Variants in YARS1 observed in about 807,000 individuals in gnomAD.
YARS1 encodes tyrosyl-tRNA synthetase 1.
In YARS1, 36 loss-of-function variants were observed where a neutral mutation model predicts 62.2. The observed-to-expected ratio is 0.58, with a 90% CI of 0.44 to 0.76. YARS1 has a LOEUF of 0.76. YARS1 is among the 30% of genes least tolerant of loss of function. The probability of loss-of-function intolerance (pLI) is 0.00; values close to 1 mark genes in which losing one functional copy is unlikely to be tolerated. For synonymous variants in YARS1, 234 were observed against 244.9 expected, an observed-to-expected ratio of 0.96 and a Z score of 0.42; for missense variants, 524 against 639.8, an observed-to-expected ratio of 0.82 and a Z score of 1.95.
In YARS1 at chr1:32,775,764, AGCCCTT is replaced by A; in HGVS notation, c.*211_*216del. On this transcript the variant is annotated 3_prime_UTR_variant, in exon 13 of 13. Coordinates refer to ENST00000373477, the MANE Select transcript of YARS1 (RefSeq NM_003680.4). Reference sequence around the variant, plus strand: ...AGGGCTGGACTCCCTGCTGTGGCCCAGCCCTTGTTAGGGGTTGGTCTCTCACTGCAG... The same window carrying A: ...AGGGCTGGACTCCCTGCTGTGGCCCAGTTAGGGGTTGGTCTCTCACTGCAG... The A allele has an allele frequency of 1.7e-6, 1 of 597,802 alleles. No individual in the cohort carries two copies. Among genetic ancestry groups the A allele is most frequent in the South Asian group, 2.0e-5 (1 of 50,744 alleles). The allele number at this position is 597,802 out of a possible 1,614,324, so 37.0% of individuals were successfully genotyped here.
chr1:32,804,934 C>A (rs1189144897), intron 4 of YARS1, among the ~76,000 whole-genome samples: 1 of 152,128 alleles, frequency 6.6e-6, no homozygotes, highest in Non-Finnish European at 1.5e-5. Context: ...GCACTCCAGC[C>A]TGGGCAACAT....
Position 32,781,523 on chromosome 1 carries a change from A to C in YARS1, c.1043-378T>G, listed in dbSNP as rs1653056339. 4 of 214,592 alleles carry C rather than the reference A, an allele frequency of 1.9e-5. 1 individual carries two copies. The South Asian group carries it at 2.2e-4, about 12-fold the overall frequency. 13.3% of individuals were successfully genotyped at this position (214,592 alleles called of 1,614,324 possible). On this transcript the variant is annotated intron_variant, in intron 9 of 12. Transcript: ENST00000373477. ...TGCTTAAGCCCAGGACTTCAAGACC[A>C]GGCTGGGCAACAGAGCCAGACTCTG...
intron 5 of YARS1, among the ~76,000 whole-genome samples, chr1:32,791,983 G>A (rs1299604684): frequency 6.6e-6 from 1 of 152,052 alleles, no homozygotes; most frequent in Non-Finnish European, 1.5e-5. Flanking sequence ...ACTAAGCAGA[G>A]GAAACAGCTA....
intron 4 of YARS1, among the ~76,000 whole-genome samples, chr1:32,799,907 G>A (rs1653722625): frequency 1.3e-5 from 2 of 151,912 alleles, no homozygotes. Context: ...GGCCTCAAGC[G>A]ATCCTCCTGC....
At chr1:32,781,676 C>T (rs1428610715) in intron 9 of YARS1, 2 of 170,014 alleles carry the variant, frequency 1.2e-5, no homozygotes, top group Non-Finnish European at 2.5e-5. Flanking sequence ...AAGAGCCAGG[C>T]CCATGCACAT....
chr1:32,804,912 G>A (rs917702339), intron 4 of YARS1, among the ~76,000 whole-genome samples: 3 of 152,118 alleles, frequency 2.0e-5, no homozygotes, highest in Admixed American at 6.5e-5. Context: ...AGCGAGCTGA[G>A]ATCACGCCAC....
At chr1:32,804,731 C>A (rs953383164) in intron 4 of YARS1, among the ~76,000 whole-genome samples, 5 of 151,434 alleles carry the variant, frequency 3.3e-5, no homozygotes, top group Admixed American at 1.3e-4. Context: ...CGGGAAGATG[C>A]GCTCCTCACT....
At chr1:32,793,734 G>A (rs1653486814) in intron 5 of YARS1, among the ~76,000 whole-genome samples, 1 of 152,216 alleles carries the variant, frequency 6.6e-6, no homozygotes, top group Admixed American at 6.6e-5. Flanking sequence ...TATCTGTAAA[G>A]GAGAAACAAT....
intron 1 of YARS1, among the ~76,000 whole-genome samples, chr1:32,815,060 C>G (rs1322154847): frequency 6.6e-6 from 1 of 152,096 alleles, no homozygotes. Context: ...CCTTTAAAAC[C>G]TGAGTGAGGC....
intron 7 of YARS1, chr1:32,786,722 C>T: frequency 1.3e-6 from 1 of 742,238 alleles, no homozygotes; most frequent in Non-Finnish European, 2.2e-6. Context: ...AACACCTCTG[C>T]CCACTCCAGT....
intron 4 of YARS1, among the ~76,000 whole-genome samples, chr1:32,805,425 T>C (rs1352742881): frequency 1.3e-5 from 2 of 152,138 alleles, no homozygotes; most frequent in East Asian, 1.9e-4. Flanking sequence ...TAAGGTAACA[T>C]TGTGGCTGGT....
At chr1:32,816,025 C>T (rs1370916932) in intron 1 of YARS1, among the ~76,000 whole-genome samples, 1 of 147,278 alleles carries the variant, frequency 6.8e-6, no homozygotes, top group Non-Finnish European at 1.5e-5. Context: ...AGGAGAATGG[C>T]GTGAACCTGG....
chr1:32,789,475 A>T (rs36092637), intron 6 of YARS1, among the ~76,000 whole-genome samples: 8,939 of 152,202 alleles, frequency 0.059, 407 homozygotes, highest in African/African-American at 0.12. Context: ...GTTCATGGTC[A>T]TTTGAGTTCA....
At position 32,803,371 on chromosome 1, in the gene YARS1, A is replaced by G. The variant is rs560906738; in HGVS notation, c.510+3111T>C. ...GGTCTCGAACTCCTGGCCTCAAGTG[A>G]TTTGCTCACCTCGGCATCCCAAAGT... On this transcript the variant is annotated intron_variant, in intron 4 of 12. Transcript: ENST00000373477. 2.0e-5 allele frequency among the ~76,000 whole-genome samples: 3 copies of G among 149,034 alleles called. No homozygotes were observed. In the South Asian group the frequency reaches 6.3e-4, roughly 31 times the overall value.
Position 32,776,543 on chromosome 1 carries a change from GTAAGTTCA to G in YARS1, c.1477-460_1477-453del, listed in dbSNP as rs1413098654. Among the ~76,000 whole-genome samples, 2 of 152,214 alleles carry G rather than the reference GTAAGTTCA, an allele frequency of 1.3e-5. No homozygotes were observed. Among genetic ancestry groups the G allele is most frequent in the Non-Finnish European group, 2.9e-5 (2 of 68,038 alleles). On this transcript the variant is annotated intron_variant, in intron 12 of 12. Coordinates refer to ENST00000373477, the MANE Select transcript of YARS1 (RefSeq NM_003680.4). The surrounding 1 kb of genome is among the most constrained non-coding windows in gnomAD (Gnocchi z 4.0). ...CTTTCACATTCATCTTTTGACTCAAGTAAGTTCATTTTAGGGAGTTAGTTTAAGAAAAT... is the reference window on the plus strand; with the variant it reads ...CTTTCACATTCATCTTTTGACTCAAGTTTTAGGGAGTTAGTTTAAGAAAAT...
chr1:32,810,461 T>C, intron 3 of YARS1, 130 bp downstream of exon 3: 1 of 1,240,514 alleles, frequency 8.1e-7, no homozygotes. Flanking sequence ...ATGGACAAAG[T>C]TTTAAATGGT....
intron 5 of YARS1, among the ~76,000 whole-genome samples, chr1:32,792,433 C>T (rs1420338380): frequency 1.3e-5 from 2 of 152,110 alleles, no homozygotes; most frequent in African/African-American, 4.8e-5. Context: ...GGAGGGTCTA[C>T]AATGCATCTA....
intron 4 of YARS1, chr1:32,798,223 G>A: frequency 4.4e-6 from 1 of 229,538 alleles, no homozygotes; most frequent in Non-Finnish European, 8.8e-6. Context: ...AGAAACTTTA[G>A]GAAATTACTA....
chr1:32,782,655 A>C (rs1035887241), intron 8 of YARS1, 116 bp from the exon 9 acceptor site: 1 of 1,426,848 alleles, frequency 7.0e-7, no homozygotes, highest in African/African-American at 1.4e-5. Context: ...GATCCTTGTG[A>C]TAATCTTGTG....
Sources: gnomAD v4.1 joint callset for allele counts (sites outside exome capture counted in the v4.1 genomes callset) on GRCh38, gnomAD v4.1.1 for gene constraint, Gnocchi (gnomAD v3.1) non-coding constraint, MANE v1.5 for transcripts, NCBI Gene and HGNC (gene_info 2026-07-23, HGNC 2026-07-21) for gene names.